The following TBCD variants were observed in gnomAD, a reference collection of about 807,000 sequenced individuals.
TBCD encodes the protein tubulin-specific chaperone D.
In TBCD, 105 loss-of-function variants were observed where a neutral mutation model predicts 169.3. The ratio of observed to expected loss-of-function variants is 0.62; its 90% CI spans 0.53 to 0.73. The LOEUF (loss-of-function observed/expected upper bound fraction) is 0.73. TBCD is among the 30% of genes least tolerant of loss of function. The probability of loss-of-function intolerance (pLI) is 0.00; values close to 1 mark genes in which losing one functional copy is unlikely to be tolerated. For synonymous variants in TBCD, 700 were observed against 643.9 expected (o/e 1.09, Z -1.32); for missense variants, 1,444 against 1,600.1 (o/e 0.90, Z 1.66).
At chr17:82,759,258 G>A (rs1285941133) in intron 2 of TBCD, among the ~76,000 whole-genome samples, 1 of 151,988 alleles carries the variant, frequency 6.6e-6, no homozygotes, top group East Asian at 1.9e-4. Context: ...CGAGGCGGGT[G>A]GATTACAAGG....
At chr17:82,807,765 C>T (rs1003231436) in intron 11 of TBCD, 97 bp downstream of exon 11, 10 of 967,842 alleles carry the variant, frequency 1.0e-5, no homozygotes, top group East Asian at 6.5e-5. Context: ...GGAGTGGCAG[C>T]GCGGCCCCCT....
At position 82,937,669 on chromosome 17, in the gene TBCD, T is replaced by G. The variant is rs2062747037; in HGVS notation, c.3281+309T>G. On this transcript the variant is annotated intron_variant, in intron 35 of 38. Coordinates refer to ENST00000355528, the MANE Select transcript of TBCD (RefSeq NM_005993.5). ...GGGCTGCCTCCCCGATTCTCCTGTG[T>G]GCCCTGGGGGTCGCTGTTGAGTGCC... is the stretch of plus-strand genomic sequence containing the variant. 9.8e-6 allele frequency: 6 copies of G among 609,732 alleles called. No homozygotes were observed. In the East Asian group the frequency reaches 1.4e-4, roughly 14 times the overall value. The allele number at this position is 609,732 out of a possible 1,614,324, so 37.8% of individuals were successfully genotyped here.
intron 5 of TBCD, among the ~76,000 whole-genome samples, chr17:82,770,176 A>G (rs535073894): frequency 4.6e-5 from 7 of 152,304 alleles, no homozygotes; most frequent in African/African-American, 1.7e-4. Flanking sequence ...ACACGTTCTT[A>G]GTGTCTTACG....
chr17:82,760,695 T>C (rs2047708392), intron 2 of TBCD, among the ~76,000 whole-genome samples: 2 of 152,260 alleles, frequency 1.3e-5, no homozygotes, highest in South Asian at 4.1e-4. Context: ...TTAGTGTTAG[T>C]GTATTAGTGT....
At chr17:82,786,940 A>AGGGT (rs1238564929) in intron 7 of TBCD, among the ~76,000 whole-genome samples, 2 of 3,258 alleles carry the variant, frequency 6.1e-4, no homozygotes, top group East Asian at 0.013. Context: ...GAATACCCAG[A>AGGGT]GGGTGGGTGG....
At position 82,800,845 on chromosome 17, in the gene TBCD, GTCCAGTTCT is replaced by G; in HGVS notation, c.818-17_818-9del. 2 of 1,610,670 alleles carry G rather than the reference GTCCAGTTCT, an allele frequency of 1.2e-6. No homozygotes were observed. The highest frequency in any genetic ancestry group is 1.7e-6 in the Non-Finnish European group (2 of 1,178,746). On this transcript the variant is annotated splice_polypyrimidine_tract_variant and intron_variant, in intron 8 of 38. Transcript: ENST00000355528. ...ATGCCTGCAGCCCTTCCTGCGCTGA[GTCCAGTTCT>G]TGTTTGCAGCTGCCACTGTCCTCAG...
In TBCD at chr17:82,943,460, C is replaced by G. The variant is rs1010400681; in HGVS notation, c.*997C>G. On this transcript the variant is annotated 3_prime_UTR_variant, in exon 39 of 39. Transcript: ENST00000355528. ...AGGCCCAAGGGCTTGGGTGAGCAAC[C>G]CTTTCCCTATGTGAGGAGCCCAGGG... 2.0e-5 allele frequency: 3 copies of G among 151,916 alleles called. No individual in the cohort carries two copies. The highest frequency in any genetic ancestry group is 1.9e-4 in the East Asian group (1 of 5,180). 9.4% of individuals were successfully genotyped at this position (151,916 alleles called of 1,614,324 possible).
intron 26 of TBCD, 75 bp from the exon 27 acceptor site, chr17:82,924,864 T>TG: frequency 8.1e-7 from 1 of 1,228,898 alleles, no homozygotes; most frequent in Non-Finnish European, 1.2e-6. Flanking sequence ...TGCTCCTGTT[T>TG]GGGGCACACG....
intron 4 of TBCD, among the ~76,000 whole-genome samples, chr17:82,766,822 A>G (rs949902185): frequency 1.3e-5 from 2 of 152,220 alleles, no homozygotes; most frequent in Admixed American, 6.5e-5. Context: ...GGGGAGAACC[A>G]GGCGGGAGCT....
Position 82,920,215 on chromosome 17 carries a change from C to T in TBCD, c.2039-341C>T, listed in dbSNP as rs1386736798. 7.9e-5 allele frequency among the ~76,000 whole-genome samples: 12 copies of T among 152,322 alleles called. No homozygotes were observed. The highest frequency in any genetic ancestry group is 2.1e-4 in the South Asian group (1 of 4,828). On this transcript the variant is annotated intron_variant, in intron 23 of 38. Coordinates refer to ENST00000355528, the MANE Select transcript of TBCD (RefSeq NM_005993.5). This position sits in a 1 kb window ranked among gnomAD's most constrained non-coding sequence, Gnocchi z 4.1. Reference sequence around the variant, plus strand: ...GAGTGACAGGTCTAGGAGCAGAAGCCGCTATGCTTCCCGTACAGCCTGTCA... The same window carrying T: ...GAGTGACAGGTCTAGGAGCAGAAGCTGCTATGCTTCCCGTACAGCCTGTCA...
chr17:82,840,953 GGTTTTTT>G lies in TBCD; in HGVS notation c.1318+26020_1318+26026del, dbSNP rs1454390162. Among the ~76,000 whole-genome samples, 86 of 70,548 alleles carry G rather than the reference GGTTTTTT, an allele frequency of 1.2e-3. 11 individuals are homozygous for G. The highest frequency in any genetic ancestry group is 4.5e-3 in the African/African-American group (81 of 18,010). 46.3% of individuals were successfully genotyped at this position (70,548 alleles called of 152,430 possible). ...ACGAGCTGGCCAGGACAGACAAACT[GGTTTTTT>G]TTTTTTTTTTTTTTTTTTTTTTTGA... On this transcript the variant is annotated intron_variant, in intron 13 of 38. Coordinates refer to ENST00000355528, the MANE Select transcript of TBCD (RefSeq NM_005993.5).
intron 23 of TBCD, 87 bp downstream of exon 23, chr17:82,911,876 C>A (rs542789049): frequency 1.4e-6 from 2 of 1,417,506 alleles, no homozygotes; most frequent in Admixed American, 1.8e-5. Context: ...CAGGGCGGCC[C>A]ATTAGCCCCC....
rs1188510040 is a variant in TBCD at position 82,930,202 on chromosome 17, T to C, written c.2992-320T>C. The stretch of plus-strand genomic sequence containing the variant: ...TTCTGCACTCGGGAATTGCGGGGAT[T>C]ATCAAATCCCGCTTCAGTGGGAAAC... On this transcript the variant is annotated intron_variant, in intron 32 of 38. Transcript: ENST00000355528. This position sits in a 1 kb window ranked among gnomAD's most constrained non-coding sequence, Gnocchi z 5.2. The C allele has an allele frequency of 1.4e-5, 5 of 363,868 alleles. No homozygotes were observed. The highest frequency in any genetic ancestry group is 2.1e-5 in the African/African-American group (1 of 47,328). 22.5% of individuals were successfully genotyped at this position (363,868 alleles called of 1,614,324 possible).
At chr17:82,792,670 G>T (rs1435184518) in intron 7 of TBCD, among the ~76,000 whole-genome samples, 1 of 152,226 alleles carries the variant, frequency 6.6e-6, no homozygotes, top group African/African-American at 2.4e-5. Flanking sequence ...GGCCTTGCAT[G>T]GCCCCCACCT....
chr17:82,929,564 C>T lies in TBCD; in HGVS notation c.2991+64C>T, dbSNP rs755722372. The T allele has an allele frequency of 3.8e-6, 6 of 1,585,066 alleles. No individual in the cohort carries two copies. In the African/African-American group the frequency reaches 6.7e-5, roughly 18 times the overall value. The stretch of plus-strand genomic sequence containing the variant: ...CCAGGAGTGCCTGGTGCTTCCCTGT[C>T]TCTTGGGAGCATGTATGGAGCTGGG... On this transcript the variant is annotated intron_variant, in intron 32 of 38. Transcript: ENST00000355528.
Position 82,942,440 on chromosome 17 carries a change from C to A in TBCD, c.3565-9C>A. The A allele has an allele frequency of 6.2e-7, 1 of 1,613,628 alleles. No homozygotes were observed. On this transcript the variant is annotated splice_polypyrimidine_tract_variant and intron_variant, in intron 38 of 38. Transcript: ENST00000355528. ...TGACCAGCCTGAGCTTGTCTTGTCTCTTCTTCAGCCTGGTGCCTGCTGAAG... is the reference window on the plus strand; with the variant it reads ...TGACCAGCCTGAGCTTGTCTTGTCTATTCTTCAGCCTGGTGCCTGCTGAAG...
At chr17:82,826,029 G>T (rs2052812199) in intron 13 of TBCD, among the ~76,000 whole-genome samples, 1 of 152,114 alleles carries the variant, frequency 6.6e-6, no homozygotes, top group African/African-American at 2.4e-5. Context: ...TTCTTCTTAA[G>T]CCCATATTTC....
At chr17:82,860,262 C>A in intron 13 of TBCD, 3 of 540,824 alleles carry the variant, frequency 5.5e-6, no homozygotes, top group Non-Finnish European at 7.1e-6. Context: ...CGGGTAGGAG[C>A]GCCCTGGCTT....
chr17:82,940,219 G>GCACACACA (rs1422867605), intron 37 of TBCD, among the ~76,000 whole-genome samples: 3,420 of 94,552 alleles, frequency 0.036, 113 homozygotes, highest in African/African-American at 0.082. Flanking sequence ...ACTTGCACGC[G>GCACACACA]CGCACACACA....
Sources: gnomAD v4.1 joint callset for allele counts (sites outside exome capture counted in the v4.1 genomes callset) on GRCh38, gnomAD v4.1.1 for gene constraint, Gnocchi (gnomAD v3.1) non-coding constraint, MANE v1.5 for transcripts, NCBI Gene and HGNC (gene_info 2026-07-23, HGNC 2026-07-21) for gene names.